Variants in PTPRD observed in about 807,000 individuals in gnomAD.
The protein encoded by PTPRD is protein tyrosine phosphatase receptor type D.
PTPRD carries 34 observed loss-of-function variants against 214.5 expected under a neutral mutation model. That is an observed-to-expected ratio of 0.16 (90% CI 0.12 to 0.21). The LOEUF is 0.21. Among genes scored for constraint, PTPRD ranks in the 10% least tolerant of loss-of-function variants. PTPRD has a pLI of 1.00. For missense variants in PTPRD, 2,545 were observed against 2,398.7 expected, an observed-to-expected ratio of 1.06 and a Z score of -1.27; for synonymous variants, 1,128 against 845.7, an observed-to-expected ratio of 1.33 and a Z score of -5.79.
chr9:8,321,528 A>ATATATATATATATATATAT (rs1563892616), intron 44 of PTPRD, among the ~76,000 whole-genome samples: 2 of 79,128 alleles, frequency 2.5e-5, no homozygotes, highest in African/African-American at 7.8e-5. Flanking sequence ...TATATATATA[A>ATATATATATATATATATAT]AAGGTATATG....
chr9:10,489,283 A>G (rs2099152616), intron 2 of PTPRD, among the ~76,000 whole-genome samples: 1 of 152,118 alleles, frequency 6.6e-6, no homozygotes, highest in Admixed American at 6.5e-5. Flanking sequence ...AGGGGACCTT[A>G]TTACCCTGAC....
In PTPRD at chr9:9,919,575, C is replaced by G. The variant is rs138010047; in HGVS notation, c.-368+18932G>C. On this transcript the variant is annotated intron_variant, in intron 5 of 45. Transcript: ENST00000381196. The stretch of plus-strand genomic sequence containing the variant: ...AGGCCCAATGATTCATGTAACTCCC[C>G]TATCAGCACAAATGAGAAGTTCCTG... Among the ~76,000 whole-genome samples the G allele has an allele frequency of 6.6e-5, 10 of 152,288 alleles. No homozygotes were observed. The East Asian group carries it at 1.9e-3, about 29-fold the overall frequency.
At chr9:8,984,660 C>T (rs963141702) in intron 11 of PTPRD, among the ~76,000 whole-genome samples, 4 of 152,058 alleles carry the variant, frequency 2.6e-5, no homozygotes, top group Non-Finnish European at 5.9e-5. Context: ...GCAAGTTAAC[C>T]TCTCACTCTT....
chr9:10,589,353 G>C (rs181885476), intron 2 of PTPRD, among the ~76,000 whole-genome samples: 109 of 152,120 alleles, frequency 7.2e-4, no homozygotes, highest in African/African-American at 2.5e-3. Context: ...CACAGGGAAA[G>C]AAAGGAAATT....
chr9:9,889,791 G>A (rs894965302), intron 5 of PTPRD, among the ~76,000 whole-genome samples: 20 of 136,974 alleles, frequency 1.5e-4, no homozygotes, highest in African/African-American at 5.8e-4. Flanking sequence ...CCTGCTGAGT[G>A]TGTGTGTGTG....
At chr9:9,008,365 C>CT (rs2099491433) in intron 11 of PTPRD, among the ~76,000 whole-genome samples, 1 of 151,728 alleles carries the variant, frequency 6.6e-6, no homozygotes, top group African/African-American at 2.4e-5. Flanking sequence ...GTAGCTGGGA[C>CT]TACAGGCTCC....
intron 9 of PTPRD, among the ~76,000 whole-genome samples, chr9:9,278,407 A>G (rs1595047990): frequency 2.0e-5 from 3 of 151,534 alleles, no homozygotes; most frequent in African/African-American, 7.2e-5. Context: ...AGATTTTTAT[A>G]ACAAATAAAA....
chr9:9,333,011 T>A (rs1342502258), intron 9 of PTPRD, among the ~76,000 whole-genome samples: 2 of 151,996 alleles, frequency 1.3e-5, no homozygotes, highest in Non-Finnish European at 2.9e-5. Context: ...AAAGCATGGA[T>A]AAGACACTGA....
At chr9:10,102,419 C>T (rs2098560413) in intron 3 of PTPRD, among the ~76,000 whole-genome samples, 1 of 141,010 alleles carries the variant, frequency 7.1e-6, no homozygotes, top group Non-Finnish European at 1.5e-5. Flanking sequence ...AAAAAACCCA[C>T]TAAACTTATT....
chr9:8,783,631 T>C (rs780685049), intron 11 of PTPRD, among the ~76,000 whole-genome samples: 1 of 152,216 alleles, frequency 6.6e-6, no homozygotes, highest in Non-Finnish European at 1.5e-5. Context: ...CACTACCTCA[T>C]ACCTCAAGGT....
intron 9 of PTPRD, among the ~76,000 whole-genome samples, chr9:9,298,889 T>C (rs1045144040): frequency 1.3e-5 from 2 of 151,818 alleles, no homozygotes; most frequent in East Asian, 1.9e-4. Context: ...CTGTCAGCAA[T>C]ACCAGCTTAA....
At chr9:8,836,587 CTTTTTTTTTTTTT>C (rs34572407) in intron 11 of PTPRD, among the ~76,000 whole-genome samples, 11 of 66,796 alleles carry the variant, frequency 1.6e-4, no homozygotes, top group Non-Finnish European at 2.1e-4. Flanking sequence ...TAATAAAAAC[CTTTTTTTTTTTTT>C]TTTTTTTTTT....
intron 34 of PTPRD, among the ~76,000 whole-genome samples, 195 bp from the exon 35 acceptor site, chr9:8,436,884 C>T (rs1361874933): frequency 6.6e-6 from 1 of 152,064 alleles, no homozygotes; most frequent in Middle Eastern, 3.2e-3. Context: ...ATTTTGTAGC[C>T]AAATGAAAAG....
rs145081053 is a variant in PTPRD at position 9,480,551 on chromosome 9, T to C, written c.-236-83069A>G. Among the ~76,000 whole-genome samples, 567 of 152,186 alleles carry C rather than the reference T, an allele frequency of 3.7e-3. 1 individual carries two copies. The highest frequency in any genetic ancestry group is 0.012 in the African/African-American group (507 of 41,546). ...TAAAAAGCAATATTTAAAAAAAATG[T>C]TAGATTTCAAAGTTTGTATTGATGT... On this transcript the variant is annotated intron_variant, in intron 8 of 45. Transcript: ENST00000381196.
chr9:9,760,501 T>C (rs1471069873), intron 6 of PTPRD, among the ~76,000 whole-genome samples: 1 of 151,894 alleles, frequency 6.6e-6, no homozygotes, highest in Non-Finnish European at 1.5e-5. Flanking sequence ...CTATCCTTTA[T>C]TGCTTCTCAG....
intron 7 of PTPRD, among the ~76,000 whole-genome samples, chr9:9,604,510 A>G (rs2154340125): frequency 6.6e-6 from 1 of 152,190 alleles, no homozygotes; most frequent in East Asian, 1.9e-4. Flanking sequence ...AGGTGTTCTA[A>G]CTTTTAGTGT....
intron 11 of PTPRD, among the ~76,000 whole-genome samples, chr9:8,773,724 T>G (rs2095337921): frequency 6.6e-6 from 1 of 152,238 alleles, no homozygotes; most frequent in Non-Finnish European, 1.5e-5. Context: ...ATTTAAATCT[T>G]GTCTACTTTG....
chr9:9,998,127 A>ATAT (rs1231969776), intron 4 of PTPRD, among the ~76,000 whole-genome samples: 1,981 of 55,098 alleles, frequency 0.036, 32 homozygotes, highest in Middle Eastern at 0.054. Context: ...AAAAAAAAAA[A>ATAT]AAATATATAT....
intron 36 of PTPRD, among the ~76,000 whole-genome samples, chr9:8,392,292 G>A (rs1290294390): frequency 6.6e-6 from 1 of 152,074 alleles, no homozygotes; most frequent in Non-Finnish European, 1.5e-5. Flanking sequence ...TGGGGAGGCT[G>A]AGGCAGGAAG....
Sources: gnomAD v4.1 joint callset for allele counts (sites outside exome capture counted in the v4.1 genomes callset) on GRCh38, gnomAD v4.1.1 for gene constraint, MANE v1.5 for transcripts, NCBI Gene and HGNC (gene_info 2026-07-23, HGNC 2026-07-21) for gene names.